Variants in DEGS2 observed in about 807,000 individuals in gnomAD.
The protein encoded by DEGS2 is sphingolipid delta(4)-desaturase/C4-monooxygenase DES2.
A neutral mutation model predicts 23.8 loss-of-function variants in DEGS2; 19 were observed. The ratio of observed to expected loss-of-function variants is 0.80; its 90% CI spans 0.56 to 1.17. DEGS2 has a LOEUF of 1.17. Ranked by LOEUF, DEGS2 falls within the 50% of genes most tolerant of loss-of-function variation. The pLI is 0.00. For synonymous variants in DEGS2, 218 were observed against 213.7 expected, an observed-to-expected ratio of 1.02 and a Z score of -0.18; for missense variants, 390 against 459.5, an observed-to-expected ratio of 0.85 and a Z score of 1.38.
In DEGS2 at chr14:100,154,489, C is replaced by T. The variant is rs1033067248; in HGVS notation, c.83-4779G>A. Among the ~76,000 whole-genome samples the T allele has an allele frequency of 7.2e-5, 11 of 152,260 alleles. 1 individual carries two copies. The highest frequency in any genetic ancestry group is 1.3e-4 in the Admixed American group (2 of 15,288). The stretch of plus-strand genomic sequence containing the variant: ...ATCTGTAAGGCATCTGCTCTGACAG[C>T]CTCTGTGGCTGGGAGCCCATGGAGG... On this transcript the variant is annotated intron_variant, in intron 1 of 2. Transcript: ENST00000305631.
chr14:100,152,187 G>A (rs769569592), intron 1 of DEGS2, among the ~76,000 whole-genome samples: 4 of 152,204 alleles, frequency 2.6e-5, no homozygotes, highest in Non-Finnish European at 4.4e-5. Flanking sequence ...AGGTAGCGAG[G>A]GTGGGTCTGC....
intron 1 of DEGS2, among the ~76,000 whole-genome samples, chr14:100,150,554 G>A (rs1457048960): frequency 6.6e-6 from 1 of 152,156 alleles, no homozygotes; most frequent in Non-Finnish European, 1.5e-5. Context: ...TTTGGGTGCA[G>A]GCAAGCATCA....
chr14:100,146,766 G>A lies in DEGS2; in HGVS notation c.967C>T (p.Leu323=), dbSNP rs1239307182. The change falls in exon 3 of 3, where the codon CTG becomes TTG. Residue 323 remains leucine (L), a synonymous_variant. Transcript: ENST00000305631. Reference sequence around the variant, plus strand: ...CACCAGGAGGCAGCCCGGGCTCACAGACCATCTTTTGCCAGCCTGTACACC... The same window carrying A: ...CACCAGGAGGCAGCCCGGGCTCACAAACCATCTTTTGCCAGCCTGTACACC... ...KRVYRLAKDG[L] is the part of the protein sequence containing the mutation. 4.3e-6 allele frequency: 7 copies of A among 1,613,416 alleles called. No homozygotes were observed. Among genetic ancestry groups the A allele is most frequent in the Non-Finnish European group, 4.2e-6 (5 of 1,179,732 alleles).
At chr14:100,148,863 A>G in intron 2 of DEGS2, 105 bp downstream of exon 2, 3 of 1,330,926 alleles carry the variant, frequency 2.3e-6, no homozygotes, top group Non-Finnish European at 3.1e-6. Context: ...TAGCACAAAA[A>G]GGGAGAGGCT....
At chr14:100,161,448 C>A (rs1203569080), upstream of DEGS2, among the ~76,000 whole-genome samples, 2 of 152,148 alleles carry the variant, frequency 1.3e-5, no homozygotes, top group African/African-American at 4.8e-5. Flanking sequence ...GAGCCAGAAA[C>A]CCAGCTTCAC....
Position 100,159,591 on chromosome 14 carries a change from G to A in DEGS2, c.-4C>T. 2.7e-6 allele frequency: 4 copies of A among 1,488,060 alleles called. No homozygotes were observed. The highest frequency in any genetic ancestry group is 1.7e-4 in the Middle Eastern group (1 of 5,826). The allele number at this position is 1,488,060 out of a possible 1,614,324, so 92.2% of individuals were successfully genotyped here. ...TGCGGCTCGCGCTGTTGCCCATGGT[G>A]GGGCGGGAGGCGCCGTTCGGAGCGC... On this transcript the variant is annotated 5_prime_UTR_variant, in exon 1 of 3. Transcript: ENST00000305631.
chr14:100,157,756 A>G (rs1889680574), intron 1 of DEGS2, among the ~76,000 whole-genome samples: 1 of 152,172 alleles, frequency 6.6e-6, no homozygotes, highest in Non-Finnish European at 1.5e-5. Flanking sequence ...AAGTCATGGT[A>G]TCTCAGTATG....
At chr14:100,153,301 AG>A (rs1889607228) in intron 1 of DEGS2, among the ~76,000 whole-genome samples, 1 of 150,770 alleles carries the variant, frequency 6.6e-6, no homozygotes, top group Non-Finnish European at 1.5e-5. Context: ...ATAGATAGAT[AG>A]ATAATAGATG....
In DEGS2 at chr14:100,157,344, T is replaced by C. The variant is rs76208524; in HGVS notation, c.82+2162A>G. 2.8e-3 allele frequency among the ~76,000 whole-genome samples: 419 copies of C among 152,306 alleles called. 19 individuals carry two copies. In the East Asian group the frequency reaches 0.072, roughly 26 times the overall value. Reference sequence around the variant, plus strand: ...CCATGTGCCTCTTGCCTTTTCCACATGGTGCCAGATACCCAATGAGTCCTG... The same window carrying C: ...CCATGTGCCTCTTGCCTTTTCCACACGGTGCCAGATACCCAATGAGTCCTG... On this transcript the variant is annotated intron_variant, in intron 1 of 2. Coordinates refer to ENST00000305631, the MANE Select transcript of DEGS2 (RefSeq NM_206918.3).
chr14:100,156,999 T>TC (rs1294190055), intron 1 of DEGS2, among the ~76,000 whole-genome samples: 1 of 152,122 alleles, frequency 6.6e-6, no homozygotes, highest in African/African-American at 2.4e-5. Context: ...CCCAGGTGCC[T>TC]CTCCCTTTTC....
chr14:100,159,058 C>T (rs1212180013), intron 1 of DEGS2, among the ~76,000 whole-genome samples: 3 of 152,228 alleles, frequency 2.0e-5, no homozygotes, highest in Non-Finnish European at 4.4e-5. Context: ...CGCCCGTGGC[C>T]GCGAGACCCA....
At chr14:100,152,934 G>GGGAA (rs1277434462) in intron 1 of DEGS2, among the ~76,000 whole-genome samples, 5 of 152,058 alleles carry the variant, frequency 3.3e-5, no homozygotes, top group Admixed American at 6.6e-5. Context: ...GGGAGGGAAA[G>GGGAA]GGAAGGAAGG....
chr14:100,163,159 G>A (rs991223146), upstream of DEGS2, among the ~76,000 whole-genome samples: 34 of 152,082 alleles, frequency 2.2e-4, no homozygotes, highest in African/African-American at 8.0e-4. Flanking sequence ...AACCACACCC[G>A]AGCCGGGCGA....
At chr14:100,148,484 T>A (rs1255646277) in intron 2 of DEGS2, among the ~76,000 whole-genome samples, 1 of 152,200 alleles carries the variant, frequency 6.6e-6, no homozygotes, top group Non-Finnish European at 1.5e-5. Flanking sequence ...CCCAGTCTCC[T>A]AAGGCAAAGA....
At chr14:100,148,119 A>C (rs1420056885) in intron 2 of DEGS2, among the ~76,000 whole-genome samples, 2 of 152,190 alleles carry the variant, frequency 1.3e-5, no homozygotes, top group African/African-American at 4.8e-5. Flanking sequence ...ACACGCATAC[A>C]GGGACGTGTG....
chr14:100,155,324 C>T (rs1889640782), intron 1 of DEGS2, among the ~76,000 whole-genome samples: 1 of 152,162 alleles, frequency 6.6e-6, no homozygotes, highest in African/African-American at 2.4e-5. Flanking sequence ...CCTCCTAATC[C>T]CCTCCTTCCT....
At chr14:100,166,802 T>C in the DEGS2 span, among the ~76,000 whole-genome samples, 1 of 152,038 alleles carries the variant, frequency 6.6e-6, no homozygotes, top group Non-Finnish European at 1.5e-5. Context: ...CACCTCGAGA[T>C]CCAAGCCATT....
Position 100,146,637 on chromosome 14 carries a change from G to A in DEGS2, c.*124C>T. On this transcript the variant is annotated 3_prime_UTR_variant, in exon 3 of 3. Transcript: ENST00000305631. Reference sequence around the variant, plus strand: ...GCTGTTGCCAGGTGTGGCTGCGCGGGACACTCCTCGGGGACAAGGGCAGCA... The same window carrying A: ...GCTGTTGCCAGGTGTGGCTGCGCGGAACACTCCTCGGGGACAAGGGCAGCA... The A allele has an allele frequency of 1.4e-6, 2 of 1,403,552 alleles. No homozygotes were observed. The highest frequency in any genetic ancestry group is 2.7e-5 in the South Asian group (2 of 73,940). 86.9% of individuals were successfully genotyped at this position (1,403,552 alleles called of 1,614,324 possible).
At chr14:100,165,538 T>C in the DEGS2 span, among the ~76,000 whole-genome samples, 1 of 152,152 alleles carries the variant, frequency 6.6e-6, no homozygotes, top group Non-Finnish European at 1.5e-5. Flanking sequence ...CAGGGTGGAG[T>C]GAGGCGCCAC....
Sources: gnomAD v4.1 joint callset for allele counts (sites outside exome capture counted in the v4.1 genomes callset) on GRCh38, gnomAD v4.1.1 for gene constraint, MANE v1.5 for transcripts, NCBI Gene and HGNC (gene_info 2026-07-23, HGNC 2026-07-21) for gene names.